Variants in PCYOX1 observed in about 807,000 individuals in gnomAD.
PCYOX1 encodes prenylcysteine lyase.
Under a neutral mutation model 46.4 loss-of-function variants are expected in PCYOX1, and 46 were observed. The observed-to-expected ratio is 0.99, with a 90% CI of 0.78 to 1.27. The LOEUF (loss-of-function observed/expected upper bound fraction) is 1.27, where lower values mean the gene tolerates loss of function less well. Among genes scored for constraint, PCYOX1 ranks in the 50% most tolerant of loss-of-function variants. The pLI, the probability that PCYOX1 is intolerant of heterozygous loss-of-function variation, is 0.00. For synonymous variants in PCYOX1, 220 were observed against 231.8 expected (o/e 0.95, Z 0.46); for missense variants, 658 against 628.3 (o/e 1.05, Z -0.51).
chr2:70,275,307 G>A (rs1696654938), intron 4 of PCYOX1, 137 bp downstream of exon 4: 1 of 864,250 alleles, frequency 1.2e-6, no homozygotes, highest in South Asian at 1.6e-5. Flanking sequence ...GCAAAATTGT[G>A]CGTATGTAGA....
chr2:70,266,570 G>T (rs1400637873), intron 3 of PCYOX1, among the ~76,000 whole-genome samples: 1 of 152,052 alleles, frequency 6.6e-6, no homozygotes, highest in Non-Finnish European at 1.5e-5. Flanking sequence ...GGATAAACAT[G>T]TGAACAAAGG....
chr2:70,261,408 T>A, intron 3 of PCYOX1, 22 bp downstream of exon 3: 1 of 1,499,718 alleles, frequency 6.7e-7, no homozygotes, highest in Non-Finnish European at 9.2e-7. Flanking sequence ...TCCTTCCATT[T>A]AACCTAAGAT....
Position 70,267,786 on chromosome 2 carries a change from AGAGGGG to A in PCYOX1, c.494+6416_494+6421del, listed in dbSNP as rs771807583. On this transcript the variant is annotated intron_variant, in intron 3 of 5. Coordinates refer to ENST00000433351, the MANE Select transcript of PCYOX1 (RefSeq NM_016297.4). ...CATCAGAGGGAGACCGTGGAGAGGGAGAGGGGGAGGGGGAGGGGGAGAGGGAGAGCT... is the reference window on the plus strand; with the variant it reads ...CATCAGAGGGAGACCGTGGAGAGGGAGAGGGGGAGGGGGAGAGGGAGAGCT... Among the ~76,000 whole-genome samples, 34 of 125,492 alleles carry A rather than the reference AGAGGGG, an allele frequency of 2.7e-4. No individual in the cohort carries two copies. In the East Asian group the frequency reaches 3.3e-3, roughly 12 times the overall value. 82.3% of individuals were successfully genotyped at this position (125,492 alleles called of 152,430 possible).
At chr2:70,268,649 A>G (rs1222791250) in intron 3 of PCYOX1, among the ~76,000 whole-genome samples, 1 of 152,042 alleles carries the variant, frequency 6.6e-6, no homozygotes, top group Non-Finnish European at 1.5e-5. Flanking sequence ...AATACAAAAA[A>G]TTAGCTGGGC....
chr2:70,260,533 C>G (rs1331017140), intron 2 of PCYOX1, among the ~76,000 whole-genome samples: 1 of 152,132 alleles, frequency 6.6e-6, no homozygotes, highest in East Asian at 1.9e-4. Flanking sequence ...CAAAGTGAGA[C>G]CCTATCAAAA....
At chr2:70,262,603 C>T (rs907865771) in intron 3 of PCYOX1, among the ~76,000 whole-genome samples, 6 of 151,788 alleles carry the variant, frequency 4.0e-5, no homozygotes, top group Admixed American at 1.3e-4. Flanking sequence ...CCTCAGACTC[C>T]CGAATAGCTG....
At position 70,280,354 on chromosome 2, in the gene PCYOX1, C is replaced by T. The variant is rs1225150975; in HGVS notation, c.*2962C>T. 1 of 151,228 alleles carries T rather than the reference C, an allele frequency of 6.6e-6. No homozygotes were observed. Among genetic ancestry groups the T allele is most frequent in the Non-Finnish European group, 1.5e-5 (1 of 68,018 alleles). 9.4% of individuals were successfully genotyped at this position (151,228 alleles called of 1,614,324 possible). A position where few individuals can be genotyped will look rare whatever the true frequency, so the allele number is the denominator to read the frequency against. ...GAAGAAAAAACACTGTCAGAGCTTA[C>T]TGCTCCAGACCTTTTTTTTTAATAG... On this transcript the variant is annotated 3_prime_UTR_variant, in exon 6 of 6. Transcript: ENST00000433351.
At chr2:70,258,737 G>C (rs1347257657) in intron 1 of PCYOX1, among the ~76,000 whole-genome samples, 1 of 152,224 alleles carries the variant, frequency 6.6e-6, no homozygotes, top group Non-Finnish European at 1.5e-5. Flanking sequence ...GCTTCCCTTG[G>C]GAGGCTGAAC....
chr2:70,258,169 G>T lies in PCYOX1; in HGVS notation c.5G>T (p.Gly2Val). 3 of 1,594,956 alleles carry T rather than the reference G, an allele frequency of 1.9e-6. No individual in the cohort carries two copies. The highest frequency in any genetic ancestry group is 2.6e-6 in the Non-Finnish European group (3 of 1,175,870). Residue 2 changes from glycine to valine, a missense_variant, in exon 1 of 6, where the codon GGG becomes GTG. Transcript: ENST00000433351. M[G>V]RVVAELVSSL... ...GCTGCAGAGCTTGTGGAGGCCATGG[G>T]GCGCGTCGTCGCGGAGCTCGTCTCC...
chr2:70,262,162 AGTTTTTTT>A (rs891003450), intron 3 of PCYOX1, among the ~76,000 whole-genome samples: 30 of 152,060 alleles, frequency 2.0e-4, no homozygotes, highest in Middle Eastern at 3.4e-3. Flanking sequence ...CTAGTTTTTT[AGTTTTTTT>A]GTTTTTTTGT....
intron 5 of PCYOX1, among the ~76,000 whole-genome samples, 162 bp from the exon 6 acceptor site, chr2:70,276,572 A>C (rs1696675180): frequency 6.6e-6 from 1 of 152,224 alleles, no homozygotes; most frequent in African/African-American, 2.4e-5. Flanking sequence ...CTGAATAAGA[A>C]ATTGGCCTCA....
chr2:70,263,402 C>T (rs1287603737), intron 3 of PCYOX1, among the ~76,000 whole-genome samples: 1 of 152,162 alleles, frequency 6.6e-6, no homozygotes, highest in African/African-American at 2.4e-5. Context: ...GCCATTCATT[C>T]ATTCACCCAA....
intron 3 of PCYOX1, among the ~76,000 whole-genome samples, chr2:70,268,215 C>T (rs548964047): frequency 2.0e-5 from 3 of 152,140 alleles, no homozygotes; most frequent in Non-Finnish European, 2.9e-5. Flanking sequence ...TATATTGCTA[C>T]CATTTGTTCT....
chr2:70,277,440 GCAAAAAA>G lies in PCYOX1; in HGVS notation c.*49_*55del, dbSNP rs1696689289. 13 of 1,438,706 alleles carry G rather than the reference GCAAAAAA, an allele frequency of 9.0e-6. No individual in the cohort carries two copies. In the East Asian group the frequency reaches 3.0e-4, roughly 33 times the overall value. The allele number at this position is 1,438,706 out of a possible 1,614,324, so 89.1% of individuals were successfully genotyped here. On this transcript the variant is annotated 3_prime_UTR_variant, in exon 6 of 6. Coordinates refer to ENST00000433351, the MANE Select transcript of PCYOX1 (RefSeq NM_016297.4). ...TCCTAGTTCCAAATGACTATCAGTGGCAAAAAAGAACAAAATCTGAGCAGAGATGATT... is the reference window on the plus strand; with the variant it reads ...TCCTAGTTCCAAATGACTATCAGTGGGAACAAAATCTGAGCAGAGATGATT...
In PCYOX1 at chr2:70,261,294, C is replaced by T. The variant is rs146654013; in HGVS notation, c.402C>T (p.Phe134=). The T allele has an allele frequency of 6.8e-6, 11 of 1,609,506 alleles. No individual in the cohort carries two copies. The African/African-American group carries it at 1.2e-4, about 18-fold the overall frequency. ...TGGTATTTGAGGAGAGCAACTGGTT[C>T]ATAATTAACGTGATTAAATTAGTTT... The part of the protein sequence containing the change: ...ETLVFEESNW[F]IINVIKLVWR... The change falls in exon 3 of 6, where the codon TTC becomes TTT. Residue 134 remains phenylalanine, a synonymous_variant. Coordinates refer to ENST00000433351, the MANE Select transcript of PCYOX1 (RefSeq NM_016297.4).
At chr2:70,258,115 G>GT (rs751823952), upstream of PCYOX1, 202 of 1,430,134 alleles carry the variant, frequency 1.4e-4, no homozygotes, top group Middle Eastern at 6.9e-4. Flanking sequence ...CCGCGCAGCG[G>GT]TGGGAGGACT....
Position 70,275,568 on chromosome 2 carries a change from A to G in PCYOX1, c.761A>G (p.Asn254Ser), listed in dbSNP as rs201230847. ...GGCCTTTGGGCAGTAGAAGGTGGCA[A>G]TAAACTTGTTTGCTCAGGGCTTCTG... ...DSGLWAVEGG[N>S]KLVCSGLLQA... Residue 254 changes from asparagine (N) to serine (S), a missense_variant, in exon 5 of 6, where the codon AAT becomes AGT. Transcript: ENST00000433351. 216 of 1,614,018 alleles carry G rather than the reference A, an allele frequency of 1.3e-4. No individual in the cohort carries two copies. Among genetic ancestry groups the G allele is most frequent in the Non-Finnish European group, 2.4e-5 (28 of 1,180,010 alleles).
intron 5 of PCYOX1, among the ~76,000 whole-genome samples, chr2:70,275,924 C>A (rs572279259): frequency 5.9e-4 from 90 of 151,848 alleles, no homozygotes; most frequent in African/African-American, 2.1e-3. Context: ...CATAGTTAAA[C>A]CCTGTCTCTA....
At chr2:70,276,712 T>C (rs1440132096) in intron 5 of PCYOX1, 22 bp from the exon 6 acceptor site, 5 of 1,420,100 alleles carry the variant, frequency 3.5e-6, no homozygotes, top group African/African-American at 1.4e-5. Context: ...TAAACAAATA[T>C]ATGCCTCCTT....
Sources: gnomAD v4.1 joint callset for allele counts (sites outside exome capture counted in the v4.1 genomes callset) on GRCh38, gnomAD v4.1.1 for gene constraint, MANE v1.5 for transcripts, NCBI Gene and HGNC (gene_info 2026-07-23, HGNC 2026-07-21) for gene names.